Variants in ZBTB20 observed in about 807,000 individuals in gnomAD.
ZBTB20 encodes zinc finger and BTB domain-containing protein 20.
ZBTB20 carries 9 observed loss-of-function variants against 56.9 expected under a neutral mutation model. The observed-to-expected ratio is 0.16, with a 90% confidence interval of 0.10 to 0.28. ZBTB20 has a LOEUF of 0.28. ZBTB20 is among the 10% of genes least tolerant of loss of function. The pLI is 1.00. For missense variants in ZBTB20, 655 were observed against 1,003.0 expected (o/e 0.65, Z 4.69); for synonymous variants, 417 against 420.7 (o/e 0.99, Z 0.11).
chr3:114,899,930 A>C (rs541459682), intron 4 of ZBTB20, among the ~76,000 whole-genome samples: 1 of 152,278 alleles, frequency 6.6e-6, no homozygotes, highest in South Asian at 2.1e-4. Context: ...AAATAAACTC[A>C]AAAGCAGCAA....
chr3:114,781,518 T>C (rs2070096463), intron 5 of ZBTB20, among the ~76,000 whole-genome samples: 1 of 152,180 alleles, frequency 6.6e-6, no homozygotes, highest in South Asian at 2.1e-4. Flanking sequence ...ATTAATGAAA[T>C]AGTATGAGGA....
At chr3:114,858,160 C>T (rs2107466959) in intron 4 of ZBTB20, among the ~76,000 whole-genome samples, 1 of 152,256 alleles carries the variant, frequency 6.6e-6, no homozygotes, top group South Asian at 2.1e-4. Flanking sequence ...TTATATTAGG[C>T]ATTTTTCACT....
chr3:115,141,197 G>A (rs977344629), intron 1 of ZBTB20, among the ~76,000 whole-genome samples: 5 of 152,082 alleles, frequency 3.3e-5, no homozygotes, highest in Non-Finnish European at 5.9e-5. Flanking sequence ...CTACTGTTTT[G>A]TGTATGACTT....
intron 10 of ZBTB20, 61 bp from the exon 11 acceptor site, chr3:114,351,939 C>G: frequency 6.5e-7 from 1 of 1,544,822 alleles, no homozygotes. Flanking sequence ...GGTTGCATTC[C>G]TAACACCTAG....
intron 11 of ZBTB20, among the ~76,000 whole-genome samples, chr3:114,348,821 A>G (rs995738780): frequency 2.0e-5 from 3 of 152,226 alleles, no homozygotes; most frequent in South Asian, 2.1e-4. Context: ...CTGAGAAACA[A>G]GGTTGTTTTG....
chr3:114,891,100 C>T (rs2076790285), intron 4 of ZBTB20, among the ~76,000 whole-genome samples: 1 of 152,078 alleles, frequency 6.6e-6, no homozygotes, highest in Non-Finnish European at 1.5e-5. Flanking sequence ...AAATGGGTTT[C>T]CTATTACATG....
chr3:114,778,471 T>G (rs571970460), intron 5 of ZBTB20, among the ~76,000 whole-genome samples: 1 of 151,504 alleles, frequency 6.6e-6, no homozygotes, highest in African/African-American at 2.4e-5. Context: ...TTAAAAACAC[T>G]TGGTAGCAGC....
chr3:114,696,953 CTG>C (rs746546678), intron 5 of ZBTB20, among the ~76,000 whole-genome samples: 206 of 151,368 alleles, frequency 1.4e-3, no homozygotes, highest in South Asian at 3.9e-3. Flanking sequence ...TTAAATAAAA[CTG>C]TTGTTTAGAT....
At chr3:114,872,242 G>A (rs1188392935) in intron 4 of ZBTB20, among the ~76,000 whole-genome samples, 1 of 151,880 alleles carries the variant, frequency 6.6e-6, no homozygotes, top group African/African-American at 2.4e-5. Context: ...CTAGATACTG[G>A]GAACACAAGG....
intron 6 of ZBTB20, among the ~76,000 whole-genome samples, chr3:114,514,821 T>G (rs1036469741): frequency 6.6e-6 from 1 of 152,140 alleles, no homozygotes; most frequent in Non-Finnish European, 1.5e-5. Flanking sequence ...TAAAAGAGCA[T>G]GCCTAGAGGG....
Position 114,320,915 on chromosome 3 carries a change from A to G in ZBTB20, c.*18090T>C, listed in dbSNP as rs1307473142. 1 of 152,214 alleles carries G rather than the reference A, an allele frequency of 6.6e-6. No individual in the cohort carries two copies. Among genetic ancestry groups the G allele is most frequent in the Non-Finnish European group, 1.5e-5 (1 of 68,034 alleles). 9.4% of individuals were successfully genotyped at this position (152,214 alleles called of 1,614,324 possible). A position where few individuals can be genotyped will look rare whatever the true frequency, so the allele number is the denominator to read the frequency against. On this transcript the variant is annotated 3_prime_UTR_variant, in exon 12 of 12. Coordinates refer to ENST00000675478, the MANE Select transcript of ZBTB20 (RefSeq NM_001348800.3). ...AGATAATATAAACTCCTGACAAGCT[A>G]TGCCCTAGAATTGCAGCCTCCAAAC...
rs1306576735 is a variant in ZBTB20 at position 114,398,540 on chromosome 3, T to TA, written c.-254-9436dup. Among the ~76,000 whole-genome samples, 8 of 152,222 alleles carry TA rather than the reference T, an allele frequency of 5.3e-5. No individual in the cohort carries two copies. In the East Asian group the frequency reaches 1.4e-3, roughly 26 times the overall value. ...TGTGTCTAAGGATGTGGATAAAGGC[T>TA]AGATACAGAAGAGCAAAGGCAGCTC... On this transcript the variant is annotated intron_variant, in intron 7 of 11. Coordinates refer to ENST00000675478, the MANE Select transcript of ZBTB20 (RefSeq NM_001348800.3).
intron 7 of ZBTB20, among the ~76,000 whole-genome samples, chr3:114,443,727 C>T (rs1273435237): frequency 6.6e-6 from 1 of 152,066 alleles, no homozygotes; most frequent in African/African-American, 2.4e-5. Context: ...GTAATAGTAG[C>T]AATAACAATA....
intron 2 of ZBTB20, among the ~76,000 whole-genome samples, chr3:115,053,711 A>G (rs2081640346): frequency 6.6e-6 from 1 of 152,150 alleles, no homozygotes; most frequent in African/African-American, 2.4e-5. Flanking sequence ...CCATATTGAA[A>G]CCTGCAAATA....
At chr3:114,738,461 TAA>T (rs2066344694) in intron 5 of ZBTB20, among the ~76,000 whole-genome samples, 1 of 152,158 alleles carries the variant, frequency 6.6e-6, no homozygotes, top group South Asian at 2.1e-4. Context: ...ATATGTGAAA[TAA>T]GATAGATTTT....
At chr3:114,485,105 C>T (rs992393409) in intron 7 of ZBTB20, among the ~76,000 whole-genome samples, 1 of 152,214 alleles carries the variant, frequency 6.6e-6, no homozygotes, top group Non-Finnish European at 1.5e-5. Context: ...TCTATTTTCC[C>T]TGGATCCGCA....
chr3:114,587,573 C>T (rs2055314967), intron 6 of ZBTB20, among the ~76,000 whole-genome samples: 2 of 152,188 alleles, frequency 1.3e-5, no homozygotes, highest in Non-Finnish European at 2.9e-5. Flanking sequence ...TTAATCATTA[C>T]AATAATTCTA....
chr3:115,090,741 T>C (rs1377834782), intron 1 of ZBTB20, among the ~76,000 whole-genome samples: 1 of 151,892 alleles, frequency 6.6e-6, no homozygotes, highest in East Asian at 1.9e-4. Context: ...TTAACTTAAT[T>C]AATCCTTACA....
intron 6 of ZBTB20, among the ~76,000 whole-genome samples, chr3:114,557,332 G>A (rs2051368240): frequency 6.6e-6 from 1 of 151,962 alleles, no homozygotes; most frequent in African/African-American, 2.4e-5. Flanking sequence ...TGGGATAACA[G>A]AAGGGTCAGA....
Sources: gnomAD v4.1 joint callset for allele counts (sites outside exome capture counted in the v4.1 genomes callset) on GRCh38, gnomAD v4.1.1 for gene constraint, MANE v1.5 for transcripts, NCBI Gene and HGNC (gene_info 2026-07-23, HGNC 2026-07-21) for gene names.